MAST4: variants seen among roughly 807,000 people sequenced by gnomAD.
The protein encoded by MAST4 is microtubule-associated serine/threonine-protein kinase 4.
Under a neutral mutation model 162.7 loss-of-function variants are expected in MAST4, and 89 were observed. The observed-to-expected ratio is 0.55, with a 90% CI of 0.46 to 0.65. The LOEUF is 0.65. Among genes scored for constraint, MAST4 ranks in the 30% least tolerant of loss-of-function variants. The probability of loss-of-function intolerance (pLI) is 0.00; values close to 1 mark genes in which losing one functional copy is unlikely to be tolerated. For synonymous variants in MAST4, 1,479 were observed against 1,361.1 expected, an observed-to-expected ratio of 1.09 and a Z score of -1.91; for missense variants, 3,153 against 3,374.0, an observed-to-expected ratio of 0.93 and a Z score of 1.62.
intron 1 of MAST4, among the ~76,000 whole-genome samples, chr5:66,639,017 C>A (rs757234522): frequency 2.6e-5 from 4 of 152,060 alleles, no homozygotes; most frequent in Non-Finnish European, 1.5e-5. Context: ...GATTGGGTAC[C>A]TGAGTTGGAA....
chr5:67,165,076 A>G lies in MAST4; in HGVS notation c.5897A>G (p.Glu1966Gly), dbSNP rs924434497. The change falls in exon 29 of 29, where the codon GAG becomes GGG. Residue 1966 changes from glutamate (E) to glycine (G), a missense_variant. By Grantham distance (98) the Glu-to-Gly change is moderately conservative. Around this residue, in one of 7 missense-constraint regions of MAST4, gnomAD observed 1,644 missense variants for 1,495.0 expected, o/e 1.10. Transcript: ENST00000403625. ...CCACCTGAAGCTTCCCCCTCAAGGG[A>G]GAAGCCAGGCCTGAGGGAATCGTCT... Reference protein sequence around the residue: ...PLPPEASPSREKPGLRESSER... With the variant: ...PLPPEASPSRGKPGLRESSER... The G allele has an allele frequency of 6.3e-7, 1 of 1,599,008 alleles. No individual in the cohort carries two copies. Among genetic ancestry groups the G allele is most frequent in the Non-Finnish European group, 8.5e-7 (1 of 1,172,756 alleles).
At position 66,897,685 on chromosome 5, in the gene MAST4, C is replaced by A. The variant is rs567314495; in HGVS notation, c.643-2266C>A. Among the ~76,000 whole-genome samples the A allele has an allele frequency of 9.8e-5, 15 of 152,320 alleles. No homozygotes were observed. The South Asian group carries it at 3.1e-3, about 32-fold the overall frequency. ...AGCGTGGTAGCTTCAGGTCAGTTGA[C>A]AGTGGCCTATTAAATGTCCTTTGCT... On this transcript the variant is annotated intron_variant, in intron 3 of 28. Transcript: ENST00000403625.
chr5:66,643,449 C>T (rs1745615682), intron 1 of MAST4, among the ~76,000 whole-genome samples: 1 of 60,666 alleles, frequency 1.6e-5, no homozygotes, highest in South Asian at 6.9e-4. Flanking sequence ...TTCAAGGTAG[C>T]AAAAAGAATT....
At chr5:66,950,584 A>G (rs1246906460) in intron 4 of MAST4, among the ~76,000 whole-genome samples, 2 of 152,166 alleles carry the variant, frequency 1.3e-5, no homozygotes, top group Non-Finnish European at 2.9e-5. Flanking sequence ...TAATGTCTTC[A>G]TAGTTCATCC....
intron 1 of MAST4, among the ~76,000 whole-genome samples, chr5:66,619,344 G>A (rs192471168): frequency 6.6e-6 from 1 of 152,224 alleles, no homozygotes; most frequent in East Asian, 1.9e-4. Flanking sequence ...CACTCACTCG[G>A]AGCTGTCAGG....
chr5:66,924,560 C>T (rs1051955526), intron 4 of MAST4, among the ~76,000 whole-genome samples: 4 of 152,034 alleles, frequency 2.6e-5, no homozygotes, highest in African/African-American at 7.2e-5. Flanking sequence ...CGTCCACCAC[C>T]GCGCCCGGCT....
chr5:66,735,119 CT>C (rs1364295998), intron 1 of MAST4, among the ~76,000 whole-genome samples: 3 of 152,262 alleles, frequency 2.0e-5, no homozygotes, highest in Non-Finnish European at 2.9e-5. Context: ...AGAAACTGAG[CT>C]TTTTTAAAAA....
chr5:66,807,695 A>G (rs566514755), intron 3 of MAST4, among the ~76,000 whole-genome samples: 127 of 151,888 alleles, frequency 8.4e-4, no homozygotes, highest in African/African-American at 3.0e-3. Context: ...TTGCATTCTC[A>G]TACTCATGGG....
chr5:66,623,409 A>G (rs920360292), intron 1 of MAST4, among the ~76,000 whole-genome samples: 1 of 152,212 alleles, frequency 6.6e-6, no homozygotes, highest in African/African-American at 2.4e-5. Flanking sequence ...ACTAGCAAAT[A>G]TCATTCAGTA....
chr5:67,090,726 A>C (rs759573092), intron 6 of MAST4, among the ~76,000 whole-genome samples: 2 of 151,740 alleles, frequency 1.3e-5, no homozygotes, highest in Non-Finnish European at 2.9e-5. Context: ...TAACGGGACC[A>C]CTGAGTCAAG....
chr5:66,921,674 GC>G (rs1302693432), intron 4 of MAST4, among the ~76,000 whole-genome samples: 1 of 152,160 alleles, frequency 6.6e-6, no homozygotes, highest in Non-Finnish European at 1.5e-5. Context: ...TGGGAGGATG[GC>G]TTGAGCCTGG....
rs200680190 is a variant in MAST4, at chr5:66,693,006, C to T, written c.364-66703C>T. Among the ~76,000 whole-genome samples, 329 of 129,008 alleles carry T rather than the reference C, an allele frequency of 2.6e-3. 6 individuals are homozygous for T. The South Asian group carries it at 0.043, about 17-fold the overall frequency. The allele number at this position is 129,008 out of a possible 152,430, so 84.6% of individuals were successfully genotyped here. A position where few individuals can be genotyped will look rare whatever the true frequency, so the allele number is the denominator to read the frequency against. ...TGTATTTTTTTTTTTTTTTTTGCTT[C>T]ACTAACATGCTTCCAGGTGAACTGT... is the stretch of plus-strand genomic sequence containing the variant. On this transcript the variant is annotated intron_variant, in intron 1 of 28. Coordinates refer to ENST00000403625, the MANE Select transcript of MAST4 (RefSeq NM_001164664.2).
At chr5:66,918,844 G>T (rs977184398) in intron 4 of MAST4, among the ~76,000 whole-genome samples, 1 of 152,094 alleles carries the variant, frequency 6.6e-6, no homozygotes, top group African/African-American at 2.4e-5. Context: ...ATAATGAATG[G>T]TATATATATT....
intron 1 of MAST4, among the ~76,000 whole-genome samples, chr5:66,660,538 G>A (rs1746838996): frequency 6.6e-6 from 1 of 152,178 alleles, no homozygotes; most frequent in Non-Finnish European, 1.5e-5. Context: ...CCATAACCGG[G>A]ACTTACTTAG....
chr5:67,150,440 A>G (rs922348376), intron 24 of MAST4, among the ~76,000 whole-genome samples: 16 of 152,224 alleles, frequency 1.1e-4, no homozygotes, highest in African/African-American at 3.6e-4. Context: ...ACAAATGCTC[A>G]TTTGGGAGTA....
intron 3 of MAST4, among the ~76,000 whole-genome samples, chr5:66,842,686 C>G (rs2149790776): frequency 6.6e-6 from 1 of 152,254 alleles, no homozygotes; most frequent in South Asian, 2.1e-4. Flanking sequence ...TCTCTAGAAG[C>G]TAATTGACTG....
chr5:67,151,109 A>G (rs560408983), intron 24 of MAST4, among the ~76,000 whole-genome samples: 2 of 152,364 alleles, frequency 1.3e-5, no homozygotes, highest in African/African-American at 4.8e-5. Context: ...ACACACACAC[A>G]GACAGTTTCA....
intron 3 of MAST4, among the ~76,000 whole-genome samples, chr5:66,856,600 T>G (rs553977962): frequency 9.6e-4 from 147 of 152,352 alleles, no homozygotes; most frequent in African/African-American, 3.2e-3. Context: ...AGGAAAAGAT[T>G]AGAAGTTCCT....
Position 67,166,752 on chromosome 5 carries a change from C to CG in MAST4, c.7576dup (p.Val2526GlyfsTer49), listed in dbSNP as rs758910227. 178 of 1,595,184 alleles carry CG rather than the reference C, an allele frequency of 1.1e-4. No homozygotes were observed. In the East Asian group the frequency reaches 4.0e-3, roughly 36 times the overall value. On this transcript the variant is annotated frameshift_variant, in exon 29 of 29. Transcript: ENST00000403625. LOFTEE classifies it low-confidence loss of function (END_TRUNC). ...AAAGAGTGACTCCCTGCCCTCCTTC[C>CG]GGGTCTCCACCCTGCCTCTGGAGTC...
Sources: allele counts gnomAD v4.1 joint callset (sites outside exome capture counted in the v4.1 genomes callset), GRCh38; gene constraint gnomAD v4.1.1; regional missense constraint gnomAD v4.1.1; transcripts MANE v1.5; gene names NCBI Gene and HGNC (gene_info 2026-07-23, HGNC 2026-07-21).